The following PALM2AKAP2 variants were observed in gnomAD, a reference collection of about 807,000 sequenced individuals.
PALM2AKAP2 encodes PALM2-AKAP2 fusion protein.
PALM2AKAP2 carries 37 observed loss-of-function variants against 71.5 expected under a neutral mutation model. The ratio of observed to expected loss-of-function variants is 0.52; its 90% CI spans 0.40 to 0.68. PALM2AKAP2 has a LOEUF of 0.68. Among genes scored for constraint, PALM2AKAP2 ranks in the 30% least tolerant of loss-of-function variants. PALM2AKAP2 has a pLI of 0.00. For synonymous variants in PALM2AKAP2, 468 were observed against 478.8 expected, an observed-to-expected ratio of 0.98 and a Z score of 0.29; for missense variants, 1,224 against 1,191.8, an observed-to-expected ratio of 1.03 and a Z score of -0.40.
chr9:109,900,494 A>C (rs1830303313), intron 3 of PALM2AKAP2, among the ~76,000 whole-genome samples: 2 of 152,214 alleles, frequency 1.3e-5, no homozygotes, highest in African/African-American at 4.8e-5. Context: ...AGATAGTAGA[A>C]ATTCAAGAAA....
intron 1 of PALM2AKAP2, among the ~76,000 whole-genome samples, chr9:110,110,801 C>A (rs1835232288): frequency 1.3e-5 from 2 of 152,144 alleles, no homozygotes; most frequent in Admixed American, 1.3e-4. Flanking sequence ...CCTGCCCCAG[C>A]CTCCCAAAGT....
intron 1 of PALM2AKAP2, among the ~76,000 whole-genome samples, chr9:109,813,229 C>G (rs1462791653): frequency 6.6e-6 from 1 of 152,194 alleles, no homozygotes. Flanking sequence ...GAAAGGAAAA[C>G]CACTGTGTGG....
chr9:109,655,612 C>T (rs561357104), intron 1 of PALM2AKAP2, among the ~76,000 whole-genome samples: 1 of 152,142 alleles, frequency 6.6e-6, no homozygotes, highest in Admixed American at 6.5e-5. Flanking sequence ...CTCCCCACCC[C>T]CTACCCCCCA....
intron 1 of PALM2AKAP2, among the ~76,000 whole-genome samples, chr9:109,668,844 G>T (rs1291953114): frequency 6.6e-6 from 1 of 152,060 alleles, no homozygotes; most frequent in East Asian, 1.9e-4. Context: ...TTTTCTGATT[G>T]TGTCTTAAGA....
intron 6 of PALM2AKAP2, among the ~76,000 whole-genome samples, chr9:109,975,086 T>C (rs1377938740): frequency 2.0e-5 from 3 of 149,590 alleles, no homozygotes; most frequent in African/African-American, 7.4e-5. Context: ...ACACACACGT[T>C]TGTGTATATT....
chr9:109,904,454 T>C (rs563213816), intron 3 of PALM2AKAP2, among the ~76,000 whole-genome samples: 33 of 152,236 alleles, frequency 2.2e-4, no homozygotes, highest in Non-Finnish European at 3.4e-4. Flanking sequence ...TTGTGATCAT[T>C]CATTCATTCA....
upstream of PALM2AKAP2, among the ~76,000 whole-genome samples, chr9:109,779,291 G>C (rs1425461974): frequency 6.6e-6 from 1 of 152,134 alleles, no homozygotes. Flanking sequence ...TCCAGGACCT[G>C]TCACAAAAGA....
At chr9:109,847,461 G>C (rs759094577) in intron 1 of PALM2AKAP2, among the ~76,000 whole-genome samples, 1 of 152,256 alleles carries the variant, frequency 6.6e-6, no homozygotes, top group Admixed American at 6.5e-5. Context: ...TGTTGTTTTC[G>C]ATGGGCGTGA....
chr9:109,831,578 C>A (rs1386735805), intron 1 of PALM2AKAP2, among the ~76,000 whole-genome samples: 1 of 152,154 alleles, frequency 6.6e-6, no homozygotes, highest in East Asian at 1.9e-4. Flanking sequence ...GTTTGCAGGC[C>A]TTTAGACACT....
At chr9:109,687,615 G>A (rs1238088858) in intron 1 of PALM2AKAP2, among the ~76,000 whole-genome samples, 1 of 152,232 alleles carries the variant, frequency 6.6e-6, no homozygotes, top group East Asian at 1.9e-4. Flanking sequence ...TAAAGGGAAT[G>A]TTGTGGCTGG....
chr9:109,652,922 G>C (rs1361354419), intron 1 of PALM2AKAP2, among the ~76,000 whole-genome samples: 1 of 152,212 alleles, frequency 6.6e-6, no homozygotes, highest in Non-Finnish European at 1.5e-5. Flanking sequence ...TAGGAGTCCA[G>C]GGATTCTAAG....
chr9:109,874,579 A>G (rs1829677941), intron 2 of PALM2AKAP2, among the ~76,000 whole-genome samples: 1 of 152,200 alleles, frequency 6.6e-6, no homozygotes, highest in South Asian at 2.1e-4. Context: ...TGCAAATACC[A>G]TTTATGTATA....
At chr9:109,739,824 G>A (rs1347011517) in intron 1 of PALM2AKAP2, among the ~76,000 whole-genome samples, 1 of 152,174 alleles carries the variant, frequency 6.6e-6, no homozygotes, top group Non-Finnish European at 1.5e-5. Flanking sequence ...CAAGGGAAGG[G>A]CTGCAGAACG....
intron 6 of PALM2AKAP2, among the ~76,000 whole-genome samples, chr9:109,984,145 C>T (rs956739209): frequency 6.6e-6 from 1 of 152,056 alleles, no homozygotes; most frequent in Non-Finnish European, 1.5e-5. Flanking sequence ...AGACCCTTAA[C>T]CCTATATATT....
chr9:109,842,680 A>AG (rs373506665), intron 1 of PALM2AKAP2, among the ~76,000 whole-genome samples: 1 of 151,058 alleles, frequency 6.6e-6, no homozygotes, highest in Non-Finnish European at 1.5e-5. Context: ...GAAAAAAAAA[A>AG]CAGACTAATG....
intron 1 of PALM2AKAP2, among the ~76,000 whole-genome samples, chr9:109,724,044 A>G (rs1828441474): frequency 6.6e-6 from 1 of 152,230 alleles, no homozygotes; most frequent in Admixed American, 6.5e-5. Flanking sequence ...TCAACTGGAA[A>G]ACAAATGAAA....
chr9:109,973,398 G>A (rs1832108647), intron 6 of PALM2AKAP2, among the ~76,000 whole-genome samples: 1 of 152,214 alleles, frequency 6.6e-6, no homozygotes, highest in African/African-American at 2.4e-5. Flanking sequence ...CCTGGACCCA[G>A]GCTGCAGGAT....
chr9:110,058,326 A>C (rs1025393399), intron 1 of PALM2AKAP2, among the ~76,000 whole-genome samples: 3 of 152,112 alleles, frequency 2.0e-5, no homozygotes, highest in African/African-American at 7.2e-5. Flanking sequence ...AGAGTGTCAG[A>C]CTCTCAAACA....
chr9:109,992,502 C>A (rs1442384504), intron 6 of PALM2AKAP2, among the ~76,000 whole-genome samples: 8 of 152,268 alleles, frequency 5.3e-5, no homozygotes, highest in African/African-American at 1.9e-4. Flanking sequence ...TGACTCACTG[C>A]AGCCTTCCTG....
Sources: allele counts gnomAD v4.1 joint callset (sites outside exome capture counted in the v4.1 genomes callset), GRCh38; gene constraint gnomAD v4.1.1; transcripts MANE v1.5; gene names NCBI Gene and HGNC (gene_info 2026-07-23, HGNC 2026-07-21).